The following FGF3 variants were observed in gnomAD, a reference collection of about 807,000 sequenced individuals.
FGF3 encodes fibroblast growth factor 3, also known as FGF-3.
In FGF3, 7 loss-of-function variants were observed where a neutral mutation model predicts 9.8. That is an observed-to-expected ratio of 0.72 (90% CI 0.41 to 1.35). The LOEUF is 1.35. FGF3 is among the 40% of genes most tolerant of loss of function. FGF3 has a pLI of 0.01. For missense variants in FGF3, 390 were observed against 345.6 expected, an observed-to-expected ratio of 1.13 and a Z score of -1.02; for synonymous variants, 173 against 157.2, an observed-to-expected ratio of 1.10 and a Z score of -0.75.
intron 2 of FGF3, among the ~76,000 whole-genome samples, chr11:69,810,992 C>G (rs1460937655): frequency 6.6e-6 from 1 of 152,262 alleles, no homozygotes; most frequent in Admixed American, 6.5e-5. Context: ...CTCTGTCCCC[C>G]ATCTGAGGGC....
chr11:69,810,339 C>G lies in FGF3; in HGVS notation c.686G>C (p.Arg229Thr), dbSNP rs782554596. ...ACTGGCCTCCAGCTGGGAGCCCAGT[C>G]TCGAAGCCTGAACGTGAGAGGGCTC... Reference protein sequence around the residue: ...NLEPSHVQASRLGSQLEASAH With the variant: ...NLEPSHVQASTLGSQLEASAH Residue 229 changes from arginine to threonine, a missense_variant, in exon 3 of 3, where the codon AGA (arginine) becomes ACA (threonine). Physicochemically the swap from Arg to Thr is moderately conservative, Grantham distance 71. Transcript: ENST00000334134. 3 of 1,568,498 alleles carry G rather than the reference C, an allele frequency of 1.9e-6. No homozygotes were observed. Among genetic ancestry groups the G allele is most frequent in the African/African-American group, 1.4e-5 (1 of 73,906 alleles).
intron 1 of FGF3, among the ~76,000 whole-genome samples, chr11:69,817,051 G>T (rs1222494825): frequency 1.3e-5 from 2 of 152,188 alleles, no homozygotes; most frequent in Non-Finnish European, 2.9e-5. Context: ...CCTGGAGCCC[G>T]CAGAGGGAAG....
intron 2 of FGF3, among the ~76,000 whole-genome samples, chr11:69,812,540 G>T (rs1856045984): frequency 6.6e-6 from 1 of 152,150 alleles, no homozygotes; most frequent in Admixed American, 6.5e-5. Context: ...CTGAGGCCCA[G>T]GGGTGGTGCC....
In FGF3 at chr11:69,816,334, G is replaced by A. The variant is rs121917704; in HGVS notation, c.310C>T (p.Arg104Ter). The A allele has an allele frequency of 1.5e-5, 24 of 1,613,542 alleles. No homozygotes were observed. The highest frequency in any genetic ancestry group is 3.3e-4 in the Middle Eastern group (2 of 6,062). Reference protein sequence around the residue: ...GRYLAMNKRGRLYASEHYSAE... With the variant: ...GRYLAMNKRG Reference sequence around the variant, plus strand: ...CCTGGACTCACCGAAGCATAGAGTCGTCCCCTCTTGTTCATGGCCAGGTAC... The same window carrying A: ...CCTGGACTCACCGAAGCATAGAGTCATCCCCTCTTGTTCATGGCCAGGTAC... The change falls in exon 2 of 3, where the codon CGA becomes TGA. Residue 104 changes from arginine to a stop codon, truncating the protein, a stop_gained. Coordinates refer to ENST00000334134, the MANE Select transcript of FGF3 (RefSeq NM_005247.4). LOFTEE classifies it low-confidence loss of function (END_TRUNC).
At chr11:69,815,443 T>G (rs1856114422) in intron 2 of FGF3, among the ~76,000 whole-genome samples, 1 of 152,156 alleles carries the variant, frequency 6.6e-6, no homozygotes, top group Admixed American at 6.5e-5. Context: ...GGACCTTCCT[T>G]TAGCAAAACG....
At chr11:69,816,282 C>G (rs781905458) in intron 2 of FGF3, 38 bp downstream of exon 2, 15 of 1,487,676 alleles carry the variant, frequency 1.0e-5, no homozygotes, top group Non-Finnish European at 1.4e-5. Flanking sequence ...CAGACCGCTA[C>G]TCCGTCAGCG....
chr11:69,812,749 G>C (rs962229428), intron 2 of FGF3, among the ~76,000 whole-genome samples: 6 of 152,218 alleles, frequency 3.9e-5, no homozygotes, highest in Non-Finnish European at 7.3e-5. Flanking sequence ...GCTTCTCCCA[G>C]GTCCCTCGAT....
chr11:69,816,705 G>A (rs1053592751), intron 1 of FGF3, among the ~76,000 whole-genome samples: 1 of 152,190 alleles, frequency 6.6e-6, no homozygotes, highest in African/African-American at 2.4e-5. Flanking sequence ...GCTTTCATTC[G>A]AGCCTCACAA....
chr11:69,811,293 C>CA (rs1856025416), intron 2 of FGF3, among the ~76,000 whole-genome samples: 1 of 151,756 alleles, frequency 6.6e-6, no homozygotes, highest in Non-Finnish European at 1.5e-5. Flanking sequence ...ACTAAAAATA[C>CA]AAAAAAATTA....
chr11:69,810,418 C>A lies in FGF3; in HGVS notation c.607G>T (p.Gly203Cys). 1 of 1,575,342 alleles carries A rather than the reference C, an allele frequency of 6.3e-7. No homozygotes were observed. The highest frequency in any genetic ancestry group is 8.6e-7 in the Non-Finnish European group (1 of 1,157,256). ...QLQSGLPRPP[G>C]KGVQPRRRRQ... Reference sequence around the variant, plus strand: ...CGCCGTCGGGGCTGGACCCCCTTACCAGGGGGTCTGGGCAGCCCACTCTGT... The same window carrying A: ...CGCCGTCGGGGCTGGACCCCCTTACAAGGGGGTCTGGGCAGCCCACTCTGT... Residue 203 changes from glycine to cysteine, a missense_variant, in exon 3 of 3, where the codon GGT becomes TGT. Transcript: ENST00000334134.
At chr11:69,817,594 G>GTGCC (rs1178242489) in intron 1 of FGF3, 1 of 152,242 alleles carries the variant, frequency 6.6e-6, no homozygotes, top group East Asian at 1.9e-4. Flanking sequence ...GTGACAGCTG[G>GTGCC]TGCCCACCGT....
chr11:69,817,242 T>G (rs1176755231), intron 1 of FGF3, among the ~76,000 whole-genome samples: 2 of 152,266 alleles, frequency 1.3e-5, no homozygotes, highest in East Asian at 3.9e-4. Flanking sequence ...GCCTGCACCC[T>G]CTCCAAGGCA....
chr11:69,813,789 T>TGGATGGAC (rs1554980752), intron 2 of FGF3, among the ~76,000 whole-genome samples: 3 of 144,754 alleles, frequency 2.1e-5, no homozygotes, highest in Non-Finnish European at 4.6e-5. Flanking sequence ...GATGGATGGA[T>TGGATGGAC]GGATGGATGG....
chr11:69,813,891 G>C (rs1303575400), intron 2 of FGF3, among the ~76,000 whole-genome samples: 1 of 150,720 alleles, frequency 6.6e-6, no homozygotes, highest in Non-Finnish European at 1.5e-5. Context: ...TGGATGGGTG[G>C]ATGGCTGGAT....
In FGF3 at chr11:69,816,252, C is replaced by A. The variant is rs1820574309; in HGVS notation, c.324+68G>T. On this transcript the variant is annotated intron_variant, in intron 2 of 2. Transcript: ENST00000334134. ...CATTCTACTGCCCACATCCCCCGTC[C>A]CCTGGCTTGATGTGCAGGCCAGACC... is the stretch of plus-strand genomic sequence containing the variant. 2.7e-5 allele frequency: 33 copies of A among 1,211,486 alleles called. No individual in the cohort carries two copies. In the South Asian group the frequency reaches 3.8e-4, roughly 14 times the overall value. 75.0% of individuals were successfully genotyped at this position (1,211,486 alleles called of 1,614,324 possible). A position where few individuals can be genotyped will look rare whatever the true frequency, so the allele number is the denominator to read the frequency against.
chr11:69,816,286 G>C (rs371663857), intron 2 of FGF3, 34 bp downstream of exon 2: 2 of 1,507,320 alleles, frequency 1.3e-6, no homozygotes, highest in Admixed American at 1.7e-5. Context: ...CCGCTACTCC[G>C]TCAGCGCCCA....
At chr11:69,818,191 G>A (rs1488096343) in intron 1 of FGF3, among the ~76,000 whole-genome samples, 1 of 152,220 alleles carries the variant, frequency 6.6e-6, no homozygotes, top group Non-Finnish European at 1.5e-5. Context: ...CTGGGCAGCC[G>A]CGAGCGGGGA....
At chr11:69,815,388 T>C (rs1856112517) in intron 2 of FGF3, among the ~76,000 whole-genome samples, 1 of 150,484 alleles carries the variant, frequency 6.6e-6, no homozygotes, top group Non-Finnish European at 1.5e-5. Context: ...AAGGAGGGAG[T>C]AGCCTCTGGA....
At position 69,810,272 on chromosome 11, in the gene FGF3, G is replaced by A. The variant is rs999346695; in HGVS notation, c.*33C>T. On this transcript the variant is annotated 3_prime_UTR_variant, in exon 3 of 3. Coordinates refer to ENST00000334134, the MANE Select transcript of FGF3 (RefSeq NM_005247.4). ...CAAGAGGCTGCCACGCCAAGATGTC[G>A]CCAGGAGCTCTGGCGGTGGCCACCA... 4.6e-6 allele frequency: 7 copies of A among 1,527,438 alleles called. No individual in the cohort carries two copies. The highest frequency in any genetic ancestry group is 2.4e-5 in the South Asian group (2 of 81,994). The allele number at this position is 1,527,438 out of a possible 1,614,324, so 94.6% of individuals were successfully genotyped here.
Sources: gnomAD v4.1 joint callset for allele counts (sites outside exome capture counted in the v4.1 genomes callset) on GRCh38, gnomAD v4.1.1 for gene constraint, MANE v1.5 for transcripts, NCBI Gene and HGNC (gene_info 2026-07-23, HGNC 2026-07-21) for gene names.